Variants in CSF2RA observed in about 807,000 individuals in gnomAD.
CSF2RA encodes the protein colony stimulating factor 2 receptor subunit alpha.
In CSF2RA, 42 loss-of-function variants were observed where a neutral mutation model predicts 51.6. The ratio of observed to expected loss-of-function variants is 0.81; its 90% CI spans 0.64 to 1.05. CSF2RA has a LOEUF of 1.05. Ranked by LOEUF, CSF2RA falls within the 50% of genes least tolerant of loss-of-function variation. The pLI, the probability that CSF2RA is intolerant of heterozygous loss-of-function variation, is 0.00. For synonymous variants in CSF2RA, 222 were observed against 193.0 expected (o/e 1.15, Z -1.24); for missense variants, 530 against 501.1 (o/e 1.06, Z -0.55).
intron 4 of CSF2RA, among the ~76,000 whole-genome samples, chrX:1,287,715 A>G (rs758167754): frequency 7.6e-6 from 1 of 132,204 alleles, no homozygotes; most frequent in Non-Finnish European, 1.6e-5. Context: ...GAGTGCTGGC[A>G]TTACAGGTGT....
At chrX:1,301,467 C>A (rs1178914458) in intron 10 of CSF2RA, among the ~76,000 whole-genome samples, 1 of 151,876 alleles carries the variant, frequency 6.6e-6, no homozygotes, top group East Asian at 1.9e-4. Flanking sequence ...GAGAAGGACC[C>A]CACTGATAGC....
the CSF2RA span, among the ~76,000 whole-genome samples, chrX:1,318,181 G>C: frequency 2.2e-5 from 3 of 134,576 alleles, no homozygotes; most frequent in Non-Finnish European, 4.7e-5. Context: ...TTTTTTTTTT[G>C]AGACAGAGTT....
chrX:1,314,972 G>GCCTGCCCAATCGCACTGCA (rs1282065073), downstream of CSF2RA, among the ~76,000 whole-genome samples: 4 of 45,150 alleles, frequency 8.9e-5, no homozygotes, highest in African/African-American at 2.9e-4. Context: ...ACCCCACTGT[G>GCCTGCCCAATCGCACTGCA]CCTGCCCAAT....
At chrX:1,294,603 G>A (rs1209665818) in intron 8 of CSF2RA, 142 bp downstream of exon 8, 14 of 1,068,612 alleles carry the variant, frequency 1.3e-5, no homozygotes, top group Admixed American at 4.1e-5. Flanking sequence ...AACGCACTTC[G>A]GGTAGCGGAG....
At chrX:1,320,424 A>G in the CSF2RA span, among the ~76,000 whole-genome samples, 1 of 151,858 alleles carries the variant, frequency 6.6e-6, no homozygotes, top group Non-Finnish European at 1.5e-5. Context: ...AGAAAAGGGA[A>G]GCTCCAAGAA....
chrX:1,288,211 G>T (rs2090987664), intron 4 of CSF2RA, among the ~76,000 whole-genome samples: 1 of 151,904 alleles, frequency 6.6e-6, no homozygotes, highest in Non-Finnish European at 1.5e-5. Flanking sequence ...GCCGGGCATG[G>T]TGGCTCACGC....
intron 5 of CSF2RA, 34 bp downstream of exon 5, chrX:1,288,676 A>G (rs774398413): frequency 6.2e-7 from 1 of 1,613,926 alleles, no homozygotes; most frequent in Non-Finnish European, 8.5e-7. Flanking sequence ...CGTTTACAGC[A>G]CTGGCCCCAC....
intron 10 of CSF2RA, 125 bp from the exon 11 acceptor site, chrX:1,303,798 T>C: frequency 1.1e-6 from 1 of 880,648 alleles, no homozygotes; most frequent in East Asian, 2.4e-5. Context: ...GCAGGTTTGC[T>C]GGGCCCAGTT....
rs1603426236 is a variant in CSF2RA, at chrX:1,285,868, C to T, written c.167C>T (p.Thr56Ile). The change falls in exon 4 of 13, where the codon ACC (threonine) becomes ATC (isoleucine). Residue 56 changes from threonine to isoleucine, a missense_variant. Coordinates refer to ENST00000381529, the MANE Select transcript of CSF2RA (RefSeq NM_172245.4). Reference sequence around the variant, plus strand: ...AGCTGGGACTGCCAAGAAAACACAACCTTCAGCAAGTGTTTCTTAACTGAC... The same window carrying T: ...AGCTGGGACTGCCAAGAAAACACAATCTTCAGCAAGTGTTTCTTAACTGAC... ...NLSWDCQENT[T>I]FSKCFLTDKK... 9 of 1,613,908 alleles carry T rather than the reference C, an allele frequency of 5.6e-6. No individual in the cohort carries two copies. The highest frequency in any genetic ancestry group is 5.9e-6 in the Non-Finnish European group (7 of 1,179,860).
intron 1 of CSF2RA, among the ~76,000 whole-genome samples, chrX:1,272,588 C>T (rs1469566777): frequency 6.6e-6 from 1 of 151,344 alleles, no homozygotes; most frequent in Non-Finnish European, 1.5e-5. Context: ...CCTGGGTTCA[C>T]CCGATTTTCC....
chrX:1,281,330 C>T (rs1215363214), intron 2 of CSF2RA, among the ~76,000 whole-genome samples: 1 of 136,426 alleles, frequency 7.3e-6, no homozygotes, highest in Non-Finnish European at 1.6e-5. Context: ...TCCTCCTTCT[C>T]CTCCTCCTCC....
At chrX:1,316,909 C>T in the CSF2RA span, among the ~76,000 whole-genome samples, 20 of 152,208 alleles carry the variant, frequency 1.3e-4, no homozygotes, top group African/African-American at 4.1e-4. Flanking sequence ...TAACAATGAA[C>T]TAGATAGATT....
chrX:1,315,041 G>A (rs1196684226), downstream of CSF2RA, among the ~76,000 whole-genome samples: 7 of 150,996 alleles, frequency 4.6e-5, no homozygotes. Context: ...CAAAGGAAGA[G>A]CAATGCAGAC....
chrX:1,300,244 A>T, intron 9 of CSF2RA: 2 of 451,506 alleles, frequency 4.4e-6, no homozygotes, highest in Non-Finnish European at 7.8e-6. Context: ...AAAATAAAAT[A>T]AAAAAGCTTA....
At chrX:1,274,381 C>A (rs775455602) in intron 1 of CSF2RA, among the ~76,000 whole-genome samples, 5 of 151,006 alleles carry the variant, frequency 3.3e-5, no homozygotes, top group African/African-American at 1.2e-4. Flanking sequence ...TGCAATGGTG[C>A]AATCTCAGCT....
At chrX:1,275,088 C>CAAAAA (rs59502193) in intron 2 of CSF2RA, among the ~76,000 whole-genome samples, 1 of 118,458 alleles carries the variant, frequency 8.4e-6, no homozygotes, top group Non-Finnish European at 1.7e-5. Context: ...ATGAACCTGT[C>CAAAAA]AAAAAAAAAA....
At chrX:1,304,903 G>T (rs1185546944) in intron 11 of CSF2RA, among the ~76,000 whole-genome samples, 2 of 149,866 alleles carry the variant, frequency 1.3e-5, no homozygotes, top group Non-Finnish European at 3.0e-5. Context: ...GACCTCAGGT[G>T]ATCCACCCGC....
intron 6 of CSF2RA, among the ~76,000 whole-genome samples, chrX:1,289,890 TTTTG>T (rs1304018916): frequency 0.069 from 7,997 of 115,274 alleles, 628 homozygotes; most frequent in South Asian, 0.13. Flanking sequence ...TTGTGTTTTG[TTTTG>T]TTTTGTGTTT....
the CSF2RA span, among the ~76,000 whole-genome samples, chrX:1,320,725 A>C: frequency 1.5e-4 from 21 of 140,650 alleles, 1 homozygote; most frequent in East Asian, 6.4e-4. Flanking sequence ...GTTGGCCAGG[A>C]TGGTCTCGAT....
Sources: allele counts gnomAD v4.1 joint callset (sites outside exome capture counted in the v4.1 genomes callset), GRCh38; gene constraint gnomAD v4.1.1; transcripts MANE v1.5; gene names NCBI Gene and HGNC (gene_info 2026-07-23, HGNC 2026-07-21).